The following PCGF5 variants were observed in gnomAD, a reference collection of about 807,000 sequenced individuals.
The protein encoded by PCGF5 is polycomb group RING finger protein 5.
Under a neutral mutation model 44.3 loss-of-function variants are expected in PCGF5, and 9 were observed. The ratio of observed to expected loss-of-function variants is 0.20; its 90% confidence interval spans 0.12 to 0.35. The LOEUF (loss-of-function observed/expected upper bound fraction) is 0.35. PCGF5 is among the 10% of genes least tolerant of loss of function. The pLI is 1.00. For missense variants in PCGF5, 146 were observed against 305.3 expected, an observed-to-expected ratio of 0.48 and a Z score of 3.89; for synonymous variants, 95 against 102.5, an observed-to-expected ratio of 0.93 and a Z score of 0.44.
intron 3 of PCGF5, among the ~76,000 whole-genome samples, chr10:91,241,046 T>A (rs1369626853): frequency 6.7e-6 from 1 of 148,696 alleles, no homozygotes; most frequent in Admixed American, 6.7e-5. Context: ...TATAATCATA[T>A]ATATATATAA....
chr10:91,193,054 C>T (rs1844061712), intron 1 of PCGF5, among the ~76,000 whole-genome samples: 1 of 152,068 alleles, frequency 6.6e-6, no homozygotes, highest in Non-Finnish European at 1.5e-5. Context: ...GTTGTGGCCA[C>T]AGTTGGAATG....
intron 1 of PCGF5, among the ~76,000 whole-genome samples, chr10:91,202,511 G>T (rs944449314): frequency 2.0e-5 from 3 of 152,168 alleles, no homozygotes; most frequent in Non-Finnish European, 2.9e-5. Context: ...TAAGCTCTTA[G>T]CACAGTATTT....
chr10:91,271,142 A>G (rs1846171895), intron 8 of PCGF5, among the ~76,000 whole-genome samples: 1 of 151,472 alleles, frequency 6.6e-6, no homozygotes, highest in Non-Finnish European at 1.5e-5. Context: ...AATCAGCAAT[A>G]TAAAGCAACA....
chr10:91,227,948 G>A, intron 2 of PCGF5: 1 of 967,404 alleles, frequency 1.0e-6, no homozygotes, highest in Non-Finnish European at 1.2e-6. Context: ...ATAAATGCAT[G>A]GCTAATAAGT....
At chr10:91,189,528 TA>T (rs1185278953) in intron 1 of PCGF5, among the ~76,000 whole-genome samples, 5 of 152,248 alleles carry the variant, frequency 3.3e-5, no homozygotes, top group Non-Finnish European at 7.3e-5. Flanking sequence ...ATATATGACA[TA>T]AAAATTGTAT....
intron 6 of PCGF5, among the ~76,000 whole-genome samples, chr10:91,255,683 G>C (rs1428997689): frequency 6.6e-6 from 1 of 152,046 alleles, no homozygotes; most frequent in Non-Finnish European, 1.5e-5. Context: ...AGAGCAGGCA[G>C]GAATCTGATT....
chr10:91,254,477 G>A (rs1009277085), intron 6 of PCGF5, among the ~76,000 whole-genome samples: 2 of 151,906 alleles, frequency 1.3e-5, no homozygotes, highest in African/African-American at 4.8e-5. Context: ...GGATTAGTTT[G>A]TTATCTATTA....
At chr10:91,238,797 C>A (rs1013394122) in intron 2 of PCGF5, among the ~76,000 whole-genome samples, 3 of 151,804 alleles carry the variant, frequency 2.0e-5, no homozygotes, top group Non-Finnish European at 4.4e-5. Flanking sequence ...CATTTAGAAA[C>A]CCTTTTGGGG....
At chr10:91,218,111 C>T (rs546283556), upstream of PCGF5, among the ~76,000 whole-genome samples, 2 of 152,246 alleles carry the variant, frequency 1.3e-5, no homozygotes, top group African/African-American at 4.8e-5. Context: ...ACCAGACCTC[C>T]CTTAAGTTCT....
chr10:91,271,687 C>G lies in PCGF5; in HGVS notation c.713C>G (p.Pro238Arg), dbSNP rs1846185581. Residue 238 changes from proline to arginine, a missense_variant, in exon 9 of 10, where the codon CCT becomes CGT. Coordinates refer to ENST00000336126, the MANE Select transcript of PCGF5 (RefSeq NM_032373.5). ...SASQVCSQDG[P>R]LYQSYPMVLQ... ...TCGCAAGTCTGCTCTCAGGATGGCC[C>G]TTTGTATCAGGTAAGAGGCACTCAC... is the stretch of plus-strand genomic sequence containing the variant. 1 of 1,613,698 alleles carries G rather than the reference C, an allele frequency of 6.2e-7. No individual in the cohort carries two copies. Among genetic ancestry groups the G allele is most frequent in the Non-Finnish European group, 8.5e-7 (1 of 1,179,706 alleles).
At chr10:91,200,694 T>C (rs1844235825) in intron 1 of PCGF5, among the ~76,000 whole-genome samples, 1 of 151,906 alleles carries the variant, frequency 6.6e-6, no homozygotes, top group South Asian at 2.1e-4. Context: ...TGGTGAAGAG[T>C]TGGGGGCCTT....
chr10:91,275,230 G>C (rs1351131651), intron 9 of PCGF5, among the ~76,000 whole-genome samples: 1 of 151,668 alleles, frequency 6.6e-6, no homozygotes, highest in African/African-American at 2.4e-5. Flanking sequence ...GACATGATCA[G>C]GCAAGATACA....
At chr10:91,277,736 T>C (rs1398066064) in intron 9 of PCGF5, among the ~76,000 whole-genome samples, 1 of 152,210 alleles carries the variant, frequency 6.6e-6, no homozygotes, top group East Asian at 1.9e-4. Flanking sequence ...TAAAGGATCA[T>C]TAAAATAAAT....
intron 2 of PCGF5, among the ~76,000 whole-genome samples, chr10:91,237,249 A>G (rs1007800292): frequency 2.0e-5 from 3 of 152,238 alleles, no homozygotes; most frequent in African/African-American, 7.2e-5. Flanking sequence ...ATACATGTGC[A>G]TATTTAAGAT....
intron 7 of PCGF5, among the ~76,000 whole-genome samples, chr10:91,262,255 G>A (rs1336981419): frequency 6.6e-6 from 1 of 152,008 alleles, no homozygotes; most frequent in East Asian, 1.9e-4. Flanking sequence ...GTAAAACCCT[G>A]TGTGTTCTAA....
intron 1 of PCGF5, among the ~76,000 whole-genome samples, chr10:91,168,268 G>A (rs546722755): frequency 6.6e-6 from 1 of 152,244 alleles, no homozygotes; most frequent in South Asian, 2.1e-4. Context: ...ACTTGAGGGA[G>A]ATAGGAGGAG....
At position 91,278,475 on chromosome 10, in the gene PCGF5, T is replaced by C; in HGVS notation, c.*159T>C. On this transcript the variant is annotated 3_prime_UTR_variant, in exon 10 of 10. Transcript: ENST00000336126. ...CTCTAAATTGTCAGTTGCATTCATG[T>C]TGTTTCTATTAGGAGCAAACCAAGT... is the stretch of plus-strand genomic sequence containing the variant. 3.0e-6 allele frequency: 2 copies of C among 669,018 alleles called. No individual in the cohort carries two copies. The highest frequency in any genetic ancestry group is 5.5e-5 in the East Asian group (2 of 36,492). The allele number at this position is 669,018 out of a possible 1,614,324, so 41.4% of individuals were successfully genotyped here.
In PCGF5 at chr10:91,222,986, A is replaced by G. The variant is rs922167398; in HGVS notation, c.112+3A>G. The G allele has an allele frequency of 5.4e-5, 84 of 1,555,830 alleles. No homozygotes were observed. The highest frequency in any genetic ancestry group is 7.0e-5 in the Non-Finnish European group (79 of 1,127,198). On this transcript the variant is annotated splice_donor_region_variant and intron_variant, in intron 2 of 9. Transcript: ENST00000336126. ...AGTGACGGAATGCCTCCATACATGT[A>G]AGTATTCTTTTAGGTTATTATACCT... is the stretch of plus-strand genomic sequence containing the variant.
rs1846471957 is a variant in PCGF5 at position 91,282,227 on chromosome 10, GTAATCCC to G, written c.*3912_*3918del. ...AGGCCGGGCACAGTGGCTCATGCCT[GTAATCCC>G]AGCACTTTGGGAGGCCAAGGCAGGT... On this transcript the variant is annotated 3_prime_UTR_variant, in exon 10 of 10. Coordinates refer to ENST00000336126, the MANE Select transcript of PCGF5 (RefSeq NM_032373.5). 2.0e-5 allele frequency: 3 copies of G among 152,222 alleles called. No individual in the cohort carries two copies. Among genetic ancestry groups the G allele is most frequent in the African/African-American group, 7.2e-5 (3 of 41,434 alleles). The allele number at this position is 152,222 out of a possible 1,614,324, so 9.4% of individuals were successfully genotyped here. A position where few individuals can be genotyped will look rare whatever the true frequency, so the allele number is the denominator to read the frequency against.
Sources: allele counts gnomAD v4.1 joint callset (sites outside exome capture counted in the v4.1 genomes callset), GRCh38; gene constraint gnomAD v4.1.1; transcripts MANE v1.5; gene names NCBI Gene and HGNC (gene_info 2026-07-23, HGNC 2026-07-21).